The following FOXK1 variants were observed in gnomAD, a reference collection of about 807,000 sequenced individuals.
The protein encoded by FOXK1 is forkhead box protein K1.
In FOXK1, 19 loss-of-function variants were observed where a neutral mutation model predicts 51.9. That is an observed-to-expected ratio of 0.37 (90% CI 0.26 to 0.54). The LOEUF (loss-of-function observed/expected upper bound fraction) is 0.54. FOXK1 is among the 20% of genes least tolerant of loss of function. FOXK1 has a pLI of 0.87. For synonymous variants in FOXK1, 537 were observed against 482.6 expected (o/e 1.11, Z -1.48); for missense variants, 870 against 1,032.7 (o/e 0.84, Z 2.16).
rs771122446 is a variant in FOXK1, at chr7:4,762,157, A to C, written c.1922-27A>C. 4 of 1,536,374 alleles carry C rather than the reference A, an allele frequency of 2.6e-6. No homozygotes were observed. The South Asian group carries it at 4.8e-5, about 19-fold the overall frequency. On this transcript the variant is annotated intron_variant, in intron 8 of 8. Coordinates refer to ENST00000328914, the MANE Select transcript of FOXK1 (RefSeq NM_001037165.2). The surrounding 1 kb of genome is among the most constrained non-coding windows in gnomAD (Gnocchi z 5.7). Reference sequence around the variant, plus strand: ...CAGCTGGGTCCTAACCAGACCCCAGAGTAACCCTCTTCTTCCTCCACTCCA... The same window carrying C: ...CAGCTGGGTCCTAACCAGACCCCAGCGTAACCCTCTTCTTCCTCCACTCCA...
At position 4,719,167 on chromosome 7, in the gene FOXK1, A is replaced by T. The variant is rs139768606; in HGVS notation, c.561-21671A>T. On this transcript the variant is annotated intron_variant, in intron 1 of 8. Transcript: ENST00000328914. ...TTGTTTGTTTTTGAGACAGGGTCTC[A>T]CTCTGTTGCCCAGCTGGAGTGCGAT... Among the ~76,000 whole-genome samples, 78 of 138,650 alleles carry T rather than the reference A, an allele frequency of 5.6e-4. 1 individual carries two copies. Among genetic ancestry groups the T allele is most frequent in the African/African-American group, 2.1e-3 (76 of 36,248 alleles). 91.0% of individuals were successfully genotyped at this position (138,650 alleles called of 152,430 possible).
Position 4,735,710 on chromosome 7 carries a change from G to A in FOXK1, c.561-5128G>A, listed in dbSNP as rs1469255265. ...GAATCTCCGCCGGTCAAGACCGGCAGTGTGTGTGGCTGGGTTTAAACCACC... is the reference window on the plus strand; with the variant it reads ...GAATCTCCGCCGGTCAAGACCGGCAATGTGTGTGGCTGGGTTTAAACCACC... On this transcript the variant is annotated intron_variant, in intron 1 of 8. Coordinates refer to ENST00000328914, the MANE Select transcript of FOXK1 (RefSeq NM_001037165.2). This position sits in a 1 kb window ranked among gnomAD's most constrained non-coding sequence, Gnocchi z 4.7. Among the ~76,000 whole-genome samples, 4 of 152,228 alleles carry A rather than the reference G, an allele frequency of 2.6e-5. No individual in the cohort carries two copies. Among genetic ancestry groups the A allele is most frequent in the African/African-American group, 4.8e-5 (2 of 41,464 alleles).
rs1780326634 is a variant in FOXK1, at chr7:4,722,451, G to A, written c.561-18387G>A. 6.6e-6 allele frequency among the ~76,000 whole-genome samples: 1 copy of A among 152,222 alleles called. No individual in the cohort carries two copies. On this transcript the variant is annotated intron_variant, in intron 1 of 8. Transcript: ENST00000328914. The surrounding 1 kb of genome is among the most constrained non-coding windows in gnomAD (Gnocchi z 5.1). ...CCAGAGGAGGTCCCGTGGCCAAGTG[G>A]CAGCGGTGCCGGACATACACGGCAG... is the stretch of plus-strand genomic sequence containing the variant.
At position 4,766,649 on chromosome 7, in the gene FOXK1, G is replaced by C. The variant is rs577160562; in HGVS notation, c.*4185G>C. Reference sequence around the variant, plus strand: ...GATTCGGTGGAGTTGGGCCAGGACGGGGGCTTCACCCTGCCCCCTCCAGAC... The same window carrying C: ...GATTCGGTGGAGTTGGGCCAGGACGCGGGCTTCACCCTGCCCCCTCCAGAC... On this transcript the variant is annotated 3_prime_UTR_variant, in exon 9 of 9. Transcript: ENST00000328914. The surrounding 1 kb of genome is among the most constrained non-coding windows in gnomAD (Gnocchi z 5.5). 6.6e-6 allele frequency: 1 copy of C among 152,390 alleles called. No homozygotes were observed. Among genetic ancestry groups the C allele is most frequent in the East Asian group, 1.9e-4 (1 of 5,170 alleles). The allele number at this position is 152,390 out of a possible 1,614,324, so 9.4% of individuals were successfully genotyped here. A position where few individuals can be genotyped will look rare whatever the true frequency, so the allele number is the denominator to read the frequency against.
intron 2 of FOXK1, among the ~76,000 whole-genome samples, chr7:4,751,012 CT>C (rs35715224): frequency 0.061 from 6,243 of 102,974 alleles, 218 homozygotes; most frequent in African/African-American, 0.17. Flanking sequence ...GCCTTCAGCA[CT>C]TTTTTTTTTT....
chr7:4,690,965 C>T (rs996023024), intron 1 of FOXK1, among the ~76,000 whole-genome samples: 2 of 152,148 alleles, frequency 1.3e-5, no homozygotes, highest in African/African-American at 2.4e-5. Flanking sequence ...AGTTTGATTT[C>T]CTGGAAATAG....
Position 4,723,108 on chromosome 7 carries a change from C to T in FOXK1, c.561-17730C>T, listed in dbSNP as rs1780336484. 6.6e-6 allele frequency among the ~76,000 whole-genome samples: 1 copy of T among 151,966 alleles called. No individual in the cohort carries two copies. On this transcript the variant is annotated intron_variant, in intron 1 of 8. Transcript: ENST00000328914. The surrounding 1 kb of genome is among the most constrained non-coding windows in gnomAD (Gnocchi z 4.7). ...AGCCTGTTGACGATGATGGTAACGG[C>T]ACCGTGCTCACTCCAACGCCGTGGC... is the stretch of plus-strand genomic sequence containing the variant.
rs1780537587 is a variant in FOXK1 at position 4,735,263 on chromosome 7, G to C, written c.561-5575G>C. Among the ~76,000 whole-genome samples the C allele has an allele frequency of 1.3e-5, 2 of 152,178 alleles. No homozygotes were observed. Among genetic ancestry groups the C allele is most frequent in the Non-Finnish European group, 2.9e-5 (2 of 68,024 alleles). ...TTGGCCCAACTTCCAGGAGCCATCA[G>C]CTTCTGGGTGGACCTGGGAAAAACC... On this transcript the variant is annotated intron_variant, in intron 1 of 8. Transcript: ENST00000328914. The surrounding 1 kb of genome is among the most constrained non-coding windows in gnomAD (Gnocchi z 4.7).
chr7:4,747,556 G>C lies in FOXK1; in HGVS notation c.746+6533G>C, dbSNP rs1780721379. ...TTGTTTTTGTTTGTTTGTTTTTTGG[G>C]ACAGGGTCTCACTCTATTGCCCAGG... On this transcript the variant is annotated intron_variant, in intron 2 of 8. Transcript: ENST00000328914. This position sits in a 1 kb window ranked among gnomAD's most constrained non-coding sequence, Gnocchi z 9.2. Among the ~76,000 whole-genome samples the C allele has an allele frequency of 6.6e-6, 1 of 152,076 alleles. No individual in the cohort carries two copies. The highest frequency in any genetic ancestry group is 3.2e-3 in the Middle Eastern group (1 of 316).
At chr7:4,719,680 C>T (rs1360882203) in intron 1 of FOXK1, among the ~76,000 whole-genome samples, 1 of 143,468 alleles carries the variant, frequency 7.0e-6, no homozygotes, top group Non-Finnish European at 1.6e-5. Context: ...TGGGGTTTCA[C>T]CATGTTGGCC....
intron 1 of FOXK1, among the ~76,000 whole-genome samples, chr7:4,714,106 G>T (rs116779784): frequency 0.014 from 2,208 of 152,278 alleles, 43 homozygotes; most frequent in African/African-American, 0.051. Context: ...GATTACAGAT[G>T]TCAGCCACTG....
Position 4,707,438 on chromosome 7 carries a change from C to CGTG in FOXK1, c.560+24571_560+24573dup, listed in dbSNP as rs1378128826. 7.2e-5 allele frequency among the ~76,000 whole-genome samples: 11 copies of CGTG among 152,288 alleles called. No individual in the cohort carries two copies. In the South Asian group the frequency reaches 1.9e-3, roughly 26 times the overall value. On this transcript the variant is annotated intron_variant, in intron 1 of 8. Coordinates refer to ENST00000328914, the MANE Select transcript of FOXK1 (RefSeq NM_001037165.2). This position sits in a 1 kb window ranked among gnomAD's most constrained non-coding sequence, Gnocchi z 4.1. Reference sequence around the variant, plus strand: ...CAGGCCTCTCCCTGGGCGGGCTTTCCGTGTTATTAATCTACTTTATGACCC... The same window carrying CGTG: ...CAGGCCTCTCCCTGGGCGGGCTTTCCGTGGTGTTATTAATCTACTTTATGACCC...
At position 4,743,071 on chromosome 7, in the gene FOXK1, G is replaced by A. The variant is rs369430483; in HGVS notation, c.746+2048G>A. Among the ~76,000 whole-genome samples, 4 of 152,218 alleles carry A rather than the reference G, an allele frequency of 2.6e-5. No individual in the cohort carries two copies. The highest frequency in any genetic ancestry group is 1.9e-4 in the East Asian group (1 of 5,202). ...TTCCCGTCTGAGTCAGTGCTGTGAC[G>A]TCATGACCCTCTGGGATGATGATGA... On this transcript the variant is annotated intron_variant, in intron 2 of 8. Transcript: ENST00000328914. This position sits in a 1 kb window ranked among gnomAD's most constrained non-coding sequence, Gnocchi z 5.3.
rs185248746 is a variant in FOXK1 at position 4,705,971 on chromosome 7, T to C, written c.560+23103T>C. Among the ~76,000 whole-genome samples, 37 of 76,460 alleles carry C rather than the reference T, an allele frequency of 4.8e-4. No individual in the cohort carries two copies. The East Asian group carries it at 5.2e-3, about 11-fold the overall frequency. The allele number at this position is 76,460 out of a possible 152,430, so 50.2% of individuals were successfully genotyped here. A position where few individuals can be genotyped will look rare whatever the true frequency, so the allele number is the denominator to read the frequency against. ...TTATATATATATATGTATATATATA[T>C]ACGTATATATACGTATATATACGTA... On this transcript the variant is annotated intron_variant, in intron 1 of 8. Transcript: ENST00000328914.
intron 2 of FOXK1, among the ~76,000 whole-genome samples, chr7:4,742,950 G>A (rs368298450): frequency 2.8e-4 from 43 of 152,332 alleles, no homozygotes; most frequent in African/African-American, 1.0e-3. Context: ...CAGGGACAGT[G>A]CTGCTGCGGA....
chr7:4,689,634 T>C (rs1779867709), intron 1 of FOXK1, among the ~76,000 whole-genome samples: 2 of 152,226 alleles, frequency 1.3e-5, no homozygotes, highest in South Asian at 4.1e-4. Flanking sequence ...CTCATGGCTA[T>C]TTCCAACTAG....
At chr7:4,736,307 C>G (rs943955003) in intron 1 of FOXK1, among the ~76,000 whole-genome samples, 2 of 151,958 alleles carry the variant, frequency 1.3e-5, no homozygotes, top group African/African-American at 2.4e-5. Flanking sequence ...AGGAAATTGT[C>G]ATCTATAGAT....
Position 4,734,572 on chromosome 7 carries a change from G to A in FOXK1, c.561-6266G>A, listed in dbSNP as rs1419951490. ...GAGGTGCCCCCCGGCCCACCCCCCCGCTGCCCAAGTGTGCGTGGGCATCGG... is the reference window on the plus strand; with the variant it reads ...GAGGTGCCCCCCGGCCCACCCCCCCACTGCCCAAGTGTGCGTGGGCATCGG... On this transcript the variant is annotated intron_variant, in intron 1 of 8. Coordinates refer to ENST00000328914, the MANE Select transcript of FOXK1 (RefSeq NM_001037165.2). The surrounding 1 kb of genome is among the most constrained non-coding windows in gnomAD (Gnocchi z 5.2). Among the ~76,000 whole-genome samples, 4 of 152,124 alleles carry A rather than the reference G, an allele frequency of 2.6e-5. No individual in the cohort carries two copies. Among genetic ancestry groups the A allele is most frequent in the African/African-American group, 7.2e-5 (3 of 41,450 alleles).
chr7:4,740,742 C>T (rs968298594), intron 1 of FOXK1, 96 bp from the exon 2 acceptor site: 1 of 1,256,792 alleles, frequency 8.0e-7, no homozygotes, highest in African/African-American at 1.6e-5. Context: ...AGTTACGGTC[C>T]AGTTACTTAG....
Sources: allele counts gnomAD v4.1 joint callset (sites outside exome capture counted in the v4.1 genomes callset), GRCh38; gene constraint gnomAD v4.1.1; non-coding constraint Gnocchi (gnomAD v3.1); transcripts MANE v1.5; gene names NCBI Gene and HGNC (gene_info 2026-07-23, HGNC 2026-07-21).